The following DNAH8 variants were observed in gnomAD, a reference collection of about 807,000 sequenced individuals.
DNAH8 encodes the protein axonemal beta dynein heavy chain 8.
A neutral mutation model predicts 562.1 loss-of-function variants in DNAH8; 382 were observed. The observed-to-expected ratio is 0.68, with a 90% confidence interval of 0.63 to 0.74. DNAH8 has a LOEUF of 0.74. Ranked by LOEUF, DNAH8 falls within the 30% of genes least tolerant of loss-of-function variation. The pLI is 0.00. For missense variants in DNAH8, 5,203 were observed against 5,620.4 expected, an observed-to-expected ratio of 0.93 and a Z score of 2.37; for synonymous variants, 1,881 against 1,919.4, an observed-to-expected ratio of 0.98 and a Z score of 0.52.
At chr6:38,740,375 A>G (rs1764427596) in intron 7 of DNAH8, among the ~76,000 whole-genome samples, 1 of 152,164 alleles carries the variant, frequency 6.6e-6, no homozygotes, top group Non-Finnish European at 1.5e-5. Context: ...TGTGTGTGTA[A>G]AATAAGTTTT....
At chr6:38,833,560 G>A (rs976265908) in intron 31 of DNAH8, among the ~76,000 whole-genome samples, 3 of 152,076 alleles carry the variant, frequency 2.0e-5, no homozygotes, top group Admixed American at 6.5e-5. Flanking sequence ...TCTTATAAAT[G>A]CCTATATTAG....
chr6:38,737,980 G>T lies in DNAH8; in HGVS notation c.1116+8G>T. On this transcript the variant is annotated splice_region_variant and intron_variant, in intron 7 of 92. Coordinates refer to ENST00000327475, the MANE Select transcript of DNAH8 (RefSeq NM_001206927.2). ...TACAAACAGATCGAACAGGTGAATT[G>T]ACTCAAACAATTGCATCTGGACTAG... 6.2e-7 allele frequency: 1 copy of T among 1,608,996 alleles called. No individual in the cohort carries two copies. The highest frequency in any genetic ancestry group is 1.1e-5 in the South Asian group (1 of 90,802).
intron 8 of DNAH8, among the ~76,000 whole-genome samples, chr6:38,744,976 G>A (rs1764811832): frequency 6.6e-6 from 1 of 152,090 alleles, no homozygotes; most frequent in Admixed American, 6.6e-5. Flanking sequence ...TGACTCCTGG[G>A]CATCTCTGCA....
rs1002264824 is a variant in DNAH8, at chr6:38,783,114, CAG to C, written c.2376_2377del (p.Glu792AspfsTer25). 3.7e-6 allele frequency: 6 copies of C among 1,613,800 alleles called. No individual in the cohort carries two copies. In the African/African-American group the frequency reaches 8.0e-5, roughly 22 times the overall value. ...AGGTGGTCTATCACACAGCCTGGAT[CAG>C]AGAGATTTCACAGTTGCATTACGGT... is the stretch of plus-strand genomic sequence containing the variant. The part of the protein sequence containing the change: ...FEVVYHTAWI[R>X]EISQLHYALQ... On this transcript the variant is annotated frameshift_variant, in exon 17 of 93. Transcript: ENST00000327475. LOFTEE classifies it high-confidence loss of function.
chr6:38,907,972 C>A lies in DNAH8; in HGVS notation c.9365C>A (p.Ala3122Glu). The A allele has an allele frequency of 6.2e-7, 1 of 1,601,594 alleles. No individual in the cohort carries two copies. The highest frequency in any genetic ancestry group is 8.5e-7 in the Non-Finnish European group (1 of 1,175,642). ...LSSGEISNLFARDEMDEITQG... is the reference protein window; with the variant it reads ...LSSGEISNLFERDEMDEITQG... Reference sequence around the variant, plus strand: ...TCCTTAAAGATCTCCAACTTGTTTGCACGAGATGAGATGGATGAAATCACC... The same window carrying A: ...TCCTTAAAGATCTCCAACTTGTTTGAACGAGATGAGATGGATGAAATCACC... Residue 3122 changes from alanine (A) to glutamate (E), a missense_variant, in exon 64 of 93, where the codon GCA (alanine) becomes GAA (glutamate). Physicochemically the swap from Ala to Glu is moderately radical, Grantham distance 107. Coordinates refer to ENST00000327475, the MANE Select transcript of DNAH8 (RefSeq NM_001206927.2).
Position 38,905,332 on chromosome 6 carries a change from A to G in DNAH8, c.9195-922A>G, listed in dbSNP as rs1188433009. Among the ~76,000 whole-genome samples, 7 of 152,206 alleles carry G rather than the reference A, an allele frequency of 4.6e-5. No individual in the cohort carries two copies. The East Asian group carries it at 1.3e-3, about 29-fold the overall frequency. ...CACATCTCATCACCTCTGGTAGCAC[A>G]TACATTTAACCGGAAACAGAGTGAA... On this transcript the variant is annotated intron_variant, in intron 62 of 92. Coordinates refer to ENST00000327475, the MANE Select transcript of DNAH8 (RefSeq NM_001206927.2).
intron 12 of DNAH8, among the ~76,000 whole-genome samples, chr6:38,774,243 C>A (rs1767851358): frequency 6.6e-6 from 1 of 152,038 alleles, no homozygotes; most frequent in Non-Finnish European, 1.5e-5. Context: ...AGGTGGAGAG[C>A]TGGTATTGCT....
chr6:38,962,740 A>AAT (rs1762681302), intron 82 of DNAH8, among the ~76,000 whole-genome samples: 1 of 152,210 alleles, frequency 6.6e-6, no homozygotes. Flanking sequence ...CCTGAGTCTA[A>AAT]AACCAGAGGG....
Position 38,875,863 on chromosome 6 carries a change from CT to C in DNAH8, c.7858+41del, listed in dbSNP as rs769322513. ...CTGAACTATACCTTAAATGAAATGA[CT>C]TTTTTCAAATGAGAAAATATAAGCT... is the stretch of plus-strand genomic sequence containing the variant. On this transcript the variant is annotated intron_variant, in intron 53 of 92. Coordinates refer to ENST00000327475, the MANE Select transcript of DNAH8 (RefSeq NM_001206927.2). The C allele has an allele frequency of 5.7e-6, 8 of 1,393,222 alleles. No homozygotes were observed. The African/African-American group carries it at 1.2e-4, about 20-fold the overall frequency. 86.3% of individuals were successfully genotyped at this position (1,393,222 alleles called of 1,614,324 possible). A position where few individuals can be genotyped will look rare whatever the true frequency, so the allele number is the denominator to read the frequency against.
intron 88 of DNAH8, among the ~76,000 whole-genome samples, chr6:38,993,271 A>G (rs1764913068): frequency 6.6e-6 from 1 of 152,200 alleles, no homozygotes; most frequent in South Asian, 2.1e-4. Flanking sequence ...CCTATTAAGT[A>G]GAGGTCAAGA....
intron 11 of DNAH8, among the ~76,000 whole-genome samples, chr6:38,769,481 T>G (rs1166569377): frequency 6.6e-6 from 1 of 150,774 alleles, no homozygotes; most frequent in Non-Finnish European, 1.5e-5. Context: ...TGAGGCCAAT[T>G]ATTCTCAGAT....
Position 38,915,182 on chromosome 6 carries a change from T to A in DNAH8, c.9964-19T>A, listed in dbSNP as rs1781212260. ...TGAAAGGTTTCTATTGGCTTTCATGTGTTTCCTCAACTTAACAGGTATTAG... is the reference window on the plus strand; with the variant it reads ...TGAAAGGTTTCTATTGGCTTTCATGAGTTTCCTCAACTTAACAGGTATTAG... On this transcript the variant is annotated intron_variant, in intron 67 of 92. Transcript: ENST00000327475. 6.4e-7 allele frequency: 1 copy of A among 1,568,632 alleles called. No homozygotes were observed. Among genetic ancestry groups the A allele is most frequent in the Non-Finnish European group, 8.6e-7 (1 of 1,166,176 alleles).
chr6:38,972,593 C>CTT (rs10685413), intron 83 of DNAH8, among the ~76,000 whole-genome samples: 132,812 of 152,006 alleles, frequency 0.87, 58,072 homozygotes, highest in East Asian at 0.93. Flanking sequence ...GGGTGCAAAA[C>CTT]TTTAATTTAA....
chr6:38,996,184 C>T (rs1177942692), intron 88 of DNAH8, among the ~76,000 whole-genome samples: 1 of 151,896 alleles, frequency 6.6e-6, no homozygotes, highest in African/African-American at 2.4e-5. Flanking sequence ...GTGTATGGTC[C>T]AGGTAGCAGT....
intron 41 of DNAH8, among the ~76,000 whole-genome samples, chr6:38,856,282 G>T (rs1010435521): frequency 2.0e-5 from 3 of 152,062 alleles, no homozygotes; most frequent in Non-Finnish European, 4.4e-5. Context: ...TTCTTGTTTT[G>T]CTGTTTTGTT....
chr6:38,789,975 CT>C, intron 19 of DNAH8, 92 bp downstream of exon 19: 1 of 894,946 alleles, frequency 1.1e-6, no homozygotes, highest in Non-Finnish European at 1.7e-6. Flanking sequence ...ATCTATTCTT[CT>C]TTAGACCCTC....
intron 30 of DNAH8, among the ~76,000 whole-genome samples, chr6:38,831,592 A>G (rs1773843011): frequency 6.6e-6 from 1 of 152,158 alleles, no homozygotes; most frequent in South Asian, 2.1e-4. Context: ...TCCAATCTAA[A>G]GATAGCTGCT....
At chr6:38,807,894 C>T (rs1323773961) in intron 24 of DNAH8, among the ~76,000 whole-genome samples, 178 bp downstream of exon 24, 1 of 152,112 alleles carries the variant, frequency 6.6e-6, no homozygotes, top group Non-Finnish European at 1.5e-5. Flanking sequence ...ACCCATATTC[C>T]CAACACCCTG....
intron 42 of DNAH8, 49 bp downstream of exon 42, chr6:38,857,791 C>A (rs143384789): frequency 4.2e-6 from 5 of 1,199,384 alleles, no homozygotes; most frequent in Non-Finnish European, 6.0e-6. Flanking sequence ...TAATGAACAG[C>A]TAAGAATTGT....
Sources: allele counts gnomAD v4.1 joint callset (sites outside exome capture counted in the v4.1 genomes callset), GRCh38; gene constraint gnomAD v4.1.1; transcripts MANE v1.5; gene names NCBI Gene and HGNC (gene_info 2026-07-23, HGNC 2026-07-21).